The following TBC1D12 variants were observed in gnomAD, a reference collection of about 807,000 sequenced individuals.
TBC1D12 encodes TBC1 domain family member 12.
In TBC1D12, 56 loss-of-function variants were observed where a neutral mutation model predicts 86.7. The observed-to-expected ratio is 0.65, with a 90% CI of 0.52 to 0.81. TBC1D12 has a LOEUF of 0.81. Ranked by LOEUF, TBC1D12 falls within the 30% of genes least tolerant of loss-of-function variation. The probability of loss-of-function intolerance (pLI) is 0.00; values close to 1 mark genes in which losing one functional copy is unlikely to be tolerated. For missense variants in TBC1D12, 1,023 were observed against 1,038.8 expected (o/e 0.98, Z 0.21); for synonymous variants, 421 against 411.7 (o/e 1.02, Z -0.27).
Position 94,493,351 on chromosome 10 carries a change from A to AT in TBC1D12, c.1212-5dup, listed in dbSNP as rs555918365. The AT allele has an allele frequency of 4.0e-4, 628 of 1,570,110 alleles. 1 individual carries two copies. The highest frequency in any genetic ancestry group is 4.6e-4 in the Non-Finnish European group (527 of 1,148,858). Reference sequence around the variant, plus strand: ...TTTAAAAATTGTCTTGACTTAAGTAATTTTTTTTTCCAGAAATCTTCCTGC... The same window carrying AT: ...TTTAAAAATTGTCTTGACTTAAGTAATTTTTTTTTTCCAGAAATCTTCCTGC... On this transcript the variant is annotated splice_polypyrimidine_tract_variant and intron_variant, in intron 3 of 12. Coordinates refer to ENST00000225235, the MANE Select transcript of TBC1D12 (RefSeq NM_015188.2).
At chr10:94,506,729 A>G (rs1461189199) in intron 6 of TBC1D12, among the ~76,000 whole-genome samples, 2 of 152,332 alleles carry the variant, frequency 1.3e-5, no homozygotes, top group East Asian at 3.9e-4. Context: ...TTTAGATAGC[A>G]ATATCATAAT....
intron 1 of TBC1D12, among the ~76,000 whole-genome samples, chr10:94,407,044 C>G (rs146962865): frequency 2.2e-3 from 330 of 147,768 alleles, no homozygotes; most frequent in Non-Finnish European, 3.6e-3. Flanking sequence ...AAAATCTATA[C>G]GAGAAACCTT....
chr10:94,404,911 G>T (rs867794199), intron 1 of TBC1D12, among the ~76,000 whole-genome samples: 1 of 152,060 alleles, frequency 6.6e-6, no homozygotes, highest in Admixed American at 6.6e-5. Context: ...AGCCGGGCAT[G>T]TTGGCAGGCG....
rs541460428 is a variant in TBC1D12 at position 94,502,159 on chromosome 10, C to T, written c.1519+1832C>T. ...ACCAGTCTGACCAACATGGAGAAAC[C>T]CCGTCTCTACTAAAAATACAAAATT... On this transcript the variant is annotated intron_variant, in intron 6 of 12. Coordinates refer to ENST00000225235, the MANE Select transcript of TBC1D12 (RefSeq NM_015188.2). Among the ~76,000 whole-genome samples the T allele has an allele frequency of 2.9e-3, 435 of 151,786 alleles. 2 individuals are homozygous for T. Among genetic ancestry groups the T allele is most frequent in the African/African-American group, 1.0e-2 (414 of 41,412 alleles).
At chr10:94,420,035 TG>T (rs1466294270) in intron 1 of TBC1D12, among the ~76,000 whole-genome samples, 1 of 152,162 alleles carries the variant, frequency 6.6e-6, no homozygotes, top group African/African-American at 2.4e-5. Flanking sequence ...GTGGACCGAA[TG>T]TTTGTGTCCC....
chr10:94,433,305 G>A (rs1454418875), intron 1 of TBC1D12, among the ~76,000 whole-genome samples: 3 of 152,106 alleles, frequency 2.0e-5, no homozygotes, highest in African/African-American at 7.2e-5. Flanking sequence ...TTTTAGTAGA[G>A]ACAGGATTTC....
intron 3 of TBC1D12, among the ~76,000 whole-genome samples, chr10:94,475,485 T>C (rs142937238): frequency 0.015 from 2,237 of 152,168 alleles, 53 homozygotes; most frequent in East Asian, 0.06. Context: ...GGCTGGAGTG[T>C]AATGGTGCGA....
Position 94,531,287 on chromosome 10 carries a change from T to A in TBC1D12, c.2086T>A (p.Leu696Ile), listed in dbSNP as rs758417063. 1 of 1,614,152 alleles carries A rather than the reference T, an allele frequency of 6.2e-7. No homozygotes were observed. Among genetic ancestry groups the A allele is most frequent in the South Asian group, 1.1e-5 (1 of 91,086 alleles). Residue 696 changes from leucine to isoleucine, a missense_variant, in exon 12 of 13, where the codon TTA (leucine) becomes ATA (isoleucine). Transcript: ENST00000225235. ...ATTTTGCAGAGATGGGGAAGAATTT[T>A]TATTTAGGACTGGATTAGGAATCCT... ...DVFCRDGEEF[L>I]FRTGLGILRL...
At chr10:94,464,884 T>C (rs2055783556) in intron 2 of TBC1D12, among the ~76,000 whole-genome samples, 1 of 152,236 alleles carries the variant, frequency 6.6e-6, no homozygotes, top group South Asian at 2.1e-4. Flanking sequence ...TTTGCAGATC[T>C]CTTTAATGTA....
intron 7 of TBC1D12, 64 bp from the exon 8 acceptor site, chr10:94,510,027 T>C: frequency 9.0e-7 from 1 of 1,112,574 alleles, no homozygotes; most frequent in South Asian, 1.3e-5. Flanking sequence ...TCATTCTGTA[T>C]TTATAAAATT....
chr10:94,529,851 A>G (rs768712919), intron 11 of TBC1D12, among the ~76,000 whole-genome samples: 22 of 152,152 alleles, frequency 1.4e-4, no homozygotes, highest in Non-Finnish European at 7.3e-5. Context: ...GGAGAGAACT[A>G]ATAAAGAGTA....
At chr10:94,454,601 G>A (rs1422413014) in intron 2 of TBC1D12, among the ~76,000 whole-genome samples, 2 of 152,014 alleles carry the variant, frequency 1.3e-5, no homozygotes, top group Admixed American at 6.6e-5. Context: ...TTCCTCATAC[G>A]GATCTTGCAT....
chr10:94,528,453 C>A (rs777931334), intron 11 of TBC1D12, among the ~76,000 whole-genome samples: 5 of 152,182 alleles, frequency 3.3e-5, no homozygotes, highest in African/African-American at 4.8e-5. Context: ...GCCTTTGAAG[C>A]AATACCCAGT....
At chr10:94,416,879 G>A (rs890685955) in intron 1 of TBC1D12, among the ~76,000 whole-genome samples, 1 of 152,034 alleles carries the variant, frequency 6.6e-6, no homozygotes, top group Non-Finnish European at 1.5e-5. Flanking sequence ...CATATATATA[G>A]AATTATATAT....
chr10:94,520,842 G>A (rs1032431319), intron 9 of TBC1D12, among the ~76,000 whole-genome samples: 2 of 152,008 alleles, frequency 1.3e-5, no homozygotes, highest in South Asian at 4.2e-4. Flanking sequence ...TGTATTTTTA[G>A]TAGAGACAGG....
Position 94,441,684 on chromosome 10 carries a change from A to G in TBC1D12, c.972-212A>G, listed in dbSNP as rs963218019. 2.0e-5 allele frequency among the ~76,000 whole-genome samples: 3 copies of G among 152,196 alleles called. No individual in the cohort carries two copies. In the South Asian group the frequency reaches 6.2e-4, roughly 32 times the overall value. ...GGTTTGCTGCCCCTATCAACCTGTT[A>G]TCTAGGTTTTAATCCCTGCATGCAT... On this transcript the variant is annotated intron_variant, in intron 1 of 12. Coordinates refer to ENST00000225235, the MANE Select transcript of TBC1D12 (RefSeq NM_015188.2).
chr10:94,422,835 T>C (rs2055093987), intron 1 of TBC1D12, among the ~76,000 whole-genome samples: 1 of 151,800 alleles, frequency 6.6e-6, no homozygotes, highest in African/African-American at 2.4e-5. Flanking sequence ...GCCTCCCAAG[T>C]TGTTGGGATT....
intron 1 of TBC1D12, among the ~76,000 whole-genome samples, chr10:94,433,647 A>G (rs1334586112): frequency 6.6e-6 from 1 of 152,192 alleles, no homozygotes; most frequent in African/African-American, 2.4e-5. Flanking sequence ...AATTCTGCAC[A>G]TGAAGAATTT....
chr10:94,479,743 T>C (rs1445135944), intron 3 of TBC1D12, among the ~76,000 whole-genome samples: 3 of 152,224 alleles, frequency 2.0e-5, no homozygotes, highest in Non-Finnish European at 4.4e-5. Context: ...TTGTGATGGC[T>C]CTTGACCTTT....
Sources: allele counts gnomAD v4.1 joint callset (sites outside exome capture counted in the v4.1 genomes callset), GRCh38; gene constraint gnomAD v4.1.1; transcripts MANE v1.5; gene names NCBI Gene and HGNC (gene_info 2026-07-23, HGNC 2026-07-21).